UBE2N: variants seen among roughly 807,000 people sequenced by gnomAD.
UBE2N encodes the protein ubiquitin conjugating enzyme E2 N, also known as ubiquitin-conjugating enzyme E2 N.
For synonymous variants in UBE2N, 70 were observed against 69.2 expected, an observed-to-expected ratio of 1.01 and a Z score of -0.06; for missense variants, 60 against 192.1, an observed-to-expected ratio of 0.31 and a Z score of 4.07.
intron 1 of UBE2N, among the ~76,000 whole-genome samples, chr12:93,418,432 C>T (rs1473435028): frequency 6.6e-6 from 1 of 151,978 alleles, no homozygotes; most frequent in Non-Finnish European, 1.5e-5. Flanking sequence ...ATACCCCTTG[C>T]TTCATTTTAT....
chr12:93,433,523 A>G (rs1307964994), intron 1 of UBE2N, among the ~76,000 whole-genome samples: 1 of 152,250 alleles, frequency 6.6e-6, no homozygotes, highest in Non-Finnish European at 1.5e-5. Flanking sequence ...TTTGCAAAGA[A>G]AATTTCAACT....
chr12:93,416,193 A>G (rs1411044951), intron 1 of UBE2N, among the ~76,000 whole-genome samples: 1 of 152,246 alleles, frequency 6.6e-6, no homozygotes, highest in East Asian at 1.9e-4. Flanking sequence ...GAAAAAAGGA[A>G]TAAAATCCAA....
At chr12:93,440,711 G>A (rs1879073868) in intron 1 of UBE2N, among the ~76,000 whole-genome samples, 1 of 152,194 alleles carries the variant, frequency 6.6e-6, no homozygotes, top group Non-Finnish European at 1.5e-5. Context: ...TCACATAAAT[G>A]TGCAACTAAT....
At chr12:93,416,451 C>CTTT (rs35555714) in intron 1 of UBE2N, among the ~76,000 whole-genome samples, 2 of 144,728 alleles carry the variant, frequency 1.4e-5, no homozygotes, top group Admixed American at 6.9e-5. Context: ...ACTTATCTAT[C>CTTT]TTTTTTTTTT....
Position 93,411,115 on chromosome 12 carries a change from A to G in UBE2N, c.215T>C (p.Met72Thr). ...TACATTAGGATGATAAATTTTGGTCATGAAACGTACTTTAGGGGCTGCCAT... is the reference window on the plus strand; with the variant it reads ...TACATTAGGATGATAAATTTTGGTCGTGAAACGTACTTTAGGGGCTGCCAT... ...YPMAAPKVRF[M>T]TKIYHPNVDK... Residue 72 changes from methionine (M) to threonine (T), a missense_variant, in exon 2 of 4, where the codon ATG becomes ACG. Met to Thr is a moderately conservative substitution (Grantham distance 81). Coordinates refer to ENST00000318066, the MANE Select transcript of UBE2N (RefSeq NM_003348.4). The G allele has an allele frequency of 6.2e-7, 1 of 1,614,258 alleles. No individual in the cohort carries two copies. The highest frequency in any genetic ancestry group is 8.5e-7 in the Non-Finnish European group (1 of 1,180,044).
intron 1 of UBE2N, among the ~76,000 whole-genome samples, chr12:93,435,426 T>C (rs1459336861): frequency 2.0e-5 from 3 of 151,874 alleles, no homozygotes; most frequent in Non-Finnish European, 4.4e-5. Flanking sequence ...TTAGCCGAGA[T>C]CACGCCATTG....
chr12:93,422,363 T>C (rs1478036302), intron 1 of UBE2N, among the ~76,000 whole-genome samples: 1 of 152,236 alleles, frequency 6.6e-6, no homozygotes, highest in Non-Finnish European at 1.5e-5. Flanking sequence ...ATAATGTAGC[T>C]GTCTATCTTA....
Position 93,410,147 on chromosome 12 carries a change from A to G in UBE2N, c.419-68T>C, listed in dbSNP as rs572928062. The G allele has an allele frequency of 2.8e-6, 4 of 1,450,696 alleles. No individual in the cohort carries two copies. The South Asian group carries it at 4.7e-5, about 17-fold the overall frequency. 89.9% of individuals were successfully genotyped at this position (1,450,696 alleles called of 1,614,324 possible). On this transcript the variant is annotated intron_variant, in intron 3 of 3. Transcript: ENST00000318066. Reference sequence around the variant, plus strand: ...CAATATGTTACTTTCCAAACTATAAATGGCAAACAACCACTATTAATTATG... The same window carrying G: ...CAATATGTTACTTTCCAAACTATAAGTGGCAAACAACCACTATTAATTATG...
chr12:93,433,565 C>T (rs914817348), intron 1 of UBE2N, among the ~76,000 whole-genome samples: 1 of 152,210 alleles, frequency 6.6e-6, no homozygotes, highest in Non-Finnish European at 1.5e-5. Context: ...TCGTTTTTCG[C>T]ATACACACAT....
intron 1 of UBE2N, among the ~76,000 whole-genome samples, chr12:93,432,522 C>T (rs192641343): frequency 2.0e-5 from 3 of 151,190 alleles, no homozygotes; most frequent in East Asian, 1.9e-4. Flanking sequence ...AACATTTTCC[C>T]GAGTATAAGC....
chr12:93,415,449 G>A (rs1009688668), intron 1 of UBE2N, among the ~76,000 whole-genome samples: 1 of 152,208 alleles, frequency 6.6e-6, no homozygotes, highest in African/African-American at 2.4e-5. Flanking sequence ...GTAAGAGCAA[G>A]TGAGAAACTG....
At chr12:93,431,122 A>C (rs1370326527) in intron 1 of UBE2N, among the ~76,000 whole-genome samples, 2 of 151,926 alleles carry the variant, frequency 1.3e-5, no homozygotes, top group Non-Finnish European at 2.9e-5. Flanking sequence ...AGCTACTCGG[A>C]AGGCTGAGGC....
chr12:93,414,158 C>T (rs4020453), intron 1 of UBE2N, among the ~76,000 whole-genome samples: 22,002 of 149,264 alleles, frequency 0.15, 1,769 homozygotes, highest in East Asian at 0.21. Flanking sequence ...GAGACTCCAT[C>T]TCAAAAAAAG....
At chr12:93,431,549 C>T (rs573409926) in intron 1 of UBE2N, among the ~76,000 whole-genome samples, 36 of 152,252 alleles carry the variant, frequency 2.4e-4, no homozygotes, top group African/African-American at 7.5e-4. Flanking sequence ...AATTAATGCA[C>T]GTAACATGCT....
chr12:93,434,870 GTCT>G (rs1162203381), intron 1 of UBE2N, among the ~76,000 whole-genome samples: 2 of 151,944 alleles, frequency 1.3e-5, no homozygotes, highest in African/African-American at 2.4e-5. Context: ...TAACAAATCT[GTCT>G]TCATCATAAT....
At chr12:93,412,150 C>G (rs911389618) in intron 1 of UBE2N, among the ~76,000 whole-genome samples, 1 of 152,132 alleles carries the variant, frequency 6.6e-6, no homozygotes, top group African/African-American at 2.4e-5. Context: ...CAGAGGAACC[C>G]TTAATACTCC....
intron 1 of UBE2N, among the ~76,000 whole-genome samples, chr12:93,430,199 C>A (rs1878718410): frequency 6.6e-6 from 1 of 152,190 alleles, no homozygotes; most frequent in South Asian, 2.1e-4. Flanking sequence ...TGCATTACAA[C>A]TGCCTACAGT....
At chr12:93,438,750 G>C (rs184676245) in intron 1 of UBE2N, among the ~76,000 whole-genome samples, 1 of 152,060 alleles carries the variant, frequency 6.6e-6, no homozygotes, top group Non-Finnish European at 1.5e-5. Context: ...TGAAAGACAG[G>C]GGGGAAAGTG....
chr12:93,430,728 C>T (rs1233195279), intron 1 of UBE2N, among the ~76,000 whole-genome samples: 1 of 150,542 alleles, frequency 6.6e-6, no homozygotes, highest in Non-Finnish European at 1.5e-5. Context: ...GCCTGAGCAA[C>T]ATAGGGAGAC....
Sources: allele counts gnomAD v4.1 joint callset (sites outside exome capture counted in the v4.1 genomes callset), GRCh38; gene constraint gnomAD v4.1.1; transcripts MANE v1.5; gene names NCBI Gene and HGNC (gene_info 2026-07-23, HGNC 2026-07-21).